Variants in FAM135B observed in about 807,000 individuals in gnomAD.
The protein encoded by FAM135B is protein FAM135B.
In FAM135B, 43 loss-of-function variants were observed where a neutral mutation model predicts 127.7. The ratio of observed to expected loss-of-function variants is 0.34; its 90% CI spans 0.26 to 0.43. The LOEUF is 0.43. Among genes scored for constraint, FAM135B ranks in the 20% least tolerant of loss-of-function variants. The pLI is 1.00. For synonymous variants in FAM135B, 670 were observed against 665.1 expected (o/e 1.01, Z -0.11); for missense variants, 1,558 against 1,725.6 (o/e 0.90, Z 1.72).
chr8:138,344,617 C>T (rs182981742), intron 2 of FAM135B, among the ~76,000 whole-genome samples: 8 of 137,288 alleles, frequency 5.8e-5, no homozygotes, highest in Admixed American at 3.3e-4. Flanking sequence ...GCTCTGTCGC[C>T]CAGGCTGGAG....
rs181857750 is a variant in FAM135B, at chr8:138,381,197, G to C, written c.-19-13195C>G. 1.6e-4 allele frequency among the ~76,000 whole-genome samples: 24 copies of C among 152,102 alleles called. No homozygotes were observed. In the East Asian group the frequency reaches 4.6e-3, roughly 29 times the overall value. On this transcript the variant is annotated intron_variant, in intron 1 of 19. Transcript: ENST00000395297. Reference sequence around the variant, plus strand: ...ATGAAACAGATGCTTCCAACTCTAGGCCCTTCTTCCCTCGCTGTGTCACCA... The same window carrying C: ...ATGAAACAGATGCTTCCAACTCTAGCCCCTTCTTCCCTCGCTGTGTCACCA...
intron 2 of FAM135B, among the ~76,000 whole-genome samples, chr8:138,360,138 T>C (rs1048460802): frequency 2.0e-5 from 3 of 152,196 alleles, no homozygotes. Context: ...ATGAAAAATC[T>C]TACTCGGAAA....
chr8:138,416,907 G>T (rs1266561779), intron 1 of FAM135B, among the ~76,000 whole-genome samples: 2 of 152,136 alleles, frequency 1.3e-5, no homozygotes, highest in Non-Finnish European at 2.9e-5. Flanking sequence ...TGGATCCTGG[G>T]GAAGAGGTGT....
intron 1 of FAM135B, among the ~76,000 whole-genome samples, chr8:138,446,308 C>A (rs370190448): frequency 2.3e-3 from 356 of 152,088 alleles, no homozygotes; most frequent in Non-Finnish European, 3.5e-3. Context: ...AAACTACTTT[C>A]AAGTTCATAT....
Position 138,342,535 on chromosome 8 carries a change from T to G in FAM135B, c.77+25372A>C, listed in dbSNP as rs80145535. 4.0e-3 allele frequency among the ~76,000 whole-genome samples: 614 copies of G among 152,288 alleles called. 7 individuals are homozygous for G. The highest frequency in any genetic ancestry group is 0.014 in the African/African-American group (594 of 41,562). Reference sequence around the variant, plus strand: ...AAAGGGCCTTTGGCACTCAAATGGTTCTTAGAACATATCCATGTAGACCCC... The same window carrying G: ...AAAGGGCCTTTGGCACTCAAATGGTGCTTAGAACATATCCATGTAGACCCC... On this transcript the variant is annotated intron_variant, in intron 2 of 19. Transcript: ENST00000395297.
chr8:138,256,908 T>G (rs143883648), intron 4 of FAM135B, 149 bp from the exon 5 acceptor site: 248 of 670,986 alleles, frequency 3.7e-4, no homozygotes, highest in Middle Eastern at 2.1e-3. Flanking sequence ...CATGCATGTT[T>G]CATGGAGTTC....
At chr8:138,206,349 C>A (rs1199849366) in intron 7 of FAM135B, among the ~76,000 whole-genome samples, 4 of 138,970 alleles carry the variant, frequency 2.9e-5, no homozygotes, top group Admixed American at 7.2e-5. Context: ...ACCCACAACT[C>A]CAGCATCCCC....
intron 11 of FAM135B, 63 bp downstream of exon 11, chr8:138,177,284 T>C (rs1050931255): frequency 1.1e-5 from 16 of 1,495,792 alleles, no homozygotes; most frequent in Non-Finnish European, 1.4e-5. Context: ...GAAGAGTAAC[T>C]TTGAACAGCA....
chr8:138,320,981 G>A (rs985618432), intron 2 of FAM135B, among the ~76,000 whole-genome samples: 3 of 152,072 alleles, frequency 2.0e-5, no homozygotes, highest in African/African-American at 4.8e-5. Context: ...TGAAACAACC[G>A]CTCTGACTCA....
chr8:138,257,709 A>G (rs1822200097), intron 4 of FAM135B, among the ~76,000 whole-genome samples: 2 of 152,158 alleles, frequency 1.3e-5, no homozygotes, highest in South Asian at 4.2e-4. Context: ...TGCCTATTAC[A>G]ATTTTGGAGG....
intron 7 of FAM135B, among the ~76,000 whole-genome samples, chr8:138,206,300 C>T (rs75893036): frequency 1.5e-3 from 227 of 147,706 alleles, no homozygotes; most frequent in African/African-American, 4.3e-3. Flanking sequence ...GCTCTATCAT[C>T]CCCTCCACCT....
chr8:138,143,852 T>G (rs1817426295), intron 15 of FAM135B, among the ~76,000 whole-genome samples: 1 of 152,200 alleles, frequency 6.6e-6, no homozygotes, highest in African/African-American at 2.4e-5. Context: ...ATAGGATGTC[T>G]CACAAATGTC....
At chr8:138,223,448 G>C (rs114229834) in intron 7 of FAM135B, among the ~76,000 whole-genome samples, 1,555 of 152,336 alleles carry the variant, frequency 0.01, 22 homozygotes, top group African/African-American at 0.035. Context: ...AGTCAGGCAA[G>C]AGGGTGGGAA....
At chr8:138,440,895 T>C (rs2131545063) in intron 1 of FAM135B, 1 of 152,322 alleles carries the variant, frequency 6.6e-6, no homozygotes, top group South Asian at 2.1e-4. Context: ...TGAAACTGTG[T>C]GAGTTCCTGA....
chr8:138,432,027 G>A (rs1240430993), intron 1 of FAM135B, among the ~76,000 whole-genome samples: 1 of 152,206 alleles, frequency 6.6e-6, no homozygotes, highest in Non-Finnish European at 1.5e-5. Context: ...CCACTGGGCA[G>A]GGAAGGAGAC....
At chr8:138,337,570 C>G (rs1188602661) in intron 2 of FAM135B, among the ~76,000 whole-genome samples, 1 of 152,062 alleles carries the variant, frequency 6.6e-6, no homozygotes, top group Non-Finnish European at 1.5e-5. Context: ...AGGATCTCTT[C>G]AAGAAGAACT....
At chr8:138,373,219 G>C (rs978623427) in intron 1 of FAM135B, among the ~76,000 whole-genome samples, 1 of 152,088 alleles carries the variant, frequency 6.6e-6, no homozygotes, top group Admixed American at 6.6e-5. Context: ...TGGAGGGACC[G>C]GCTGAAGCCA....
chr8:138,260,700 T>C (rs1462723407), intron 4 of FAM135B, among the ~76,000 whole-genome samples: 1 of 152,064 alleles, frequency 6.6e-6, no homozygotes, highest in Non-Finnish European at 1.5e-5. Context: ...ACTCACACAG[T>C]TTCCATTTAC....
intron 3 of FAM135B, among the ~76,000 whole-genome samples, chr8:138,299,958 T>C (rs1274250654): frequency 6.7e-6 from 1 of 150,358 alleles, no homozygotes; most frequent in East Asian, 2.0e-4. Flanking sequence ...AAAGTGAGAG[T>C]GGTATTTATT....
Sources: allele counts gnomAD v4.1 joint callset (sites outside exome capture counted in the v4.1 genomes callset), GRCh38; gene constraint gnomAD v4.1.1; transcripts MANE v1.5; gene names NCBI Gene and HGNC (gene_info 2026-07-23, HGNC 2026-07-21).